STK40: variants seen among roughly 807,000 people sequenced by gnomAD.
The protein encoded by STK40 is serine/threonine kinase 40, also known as serine/threonine-protein kinase 40.
Under a neutral mutation model 47.9 loss-of-function variants are expected in STK40, and 13 were observed. The ratio of observed to expected loss-of-function variants is 0.27; its 90% CI spans 0.18 to 0.43. The LOEUF (loss-of-function observed/expected upper bound fraction) is 0.43. Among genes scored for constraint, STK40 ranks in the 20% least tolerant of loss-of-function variants. The pLI is 1.00. For synonymous variants in STK40, 225 were observed against 243.2 expected (o/e 0.93, Z 0.69); for missense variants, 460 against 595.1 (o/e 0.77, Z 2.36).
chr1:36,372,370 C>T (rs529413384), intron 1 of STK40, among the ~76,000 whole-genome samples: 9 of 128,762 alleles, frequency 7.0e-5, no homozygotes, highest in African/African-American at 1.2e-4. Context: ...TTTGAGGCTG[C>T]GTGAGCCATG....
chr1:36,362,203 A>G (rs1646858178), intron 1 of STK40, among the ~76,000 whole-genome samples: 1 of 152,192 alleles, frequency 6.6e-6, no homozygotes, highest in Non-Finnish European at 1.5e-5. Flanking sequence ...AAAATAACAG[A>G]TAAAAACACA....
At chr1:36,383,277 C>T (rs1334908986) in intron 1 of STK40, among the ~76,000 whole-genome samples, 1 of 152,228 alleles carries the variant, frequency 6.6e-6, no homozygotes, top group African/African-American at 2.4e-5. Context: ...AATCTACTGC[C>T]TTCCCCAAAG....
chr1:36,349,730 C>G (rs909733632), intron 6 of STK40, among the ~76,000 whole-genome samples: 1 of 151,876 alleles, frequency 6.6e-6, no homozygotes, highest in African/African-American at 2.4e-5. Flanking sequence ...AAAGGAAGTG[C>G]CCCGAGAGGA....
Position 36,355,287 on chromosome 1 carries a change from G to A in STK40, c.489C>T (p.Val163=), listed in dbSNP as rs1646792842. 6.2e-7 allele frequency: 1 copy of A among 1,614,150 alleles called. No homozygotes were observed. The highest frequency in any genetic ancestry group is 8.5e-7 in the Non-Finnish European group (1 of 1,180,030). The part of the protein sequence containing the change: ...TADLINLQHY[V]IKEKRLSERE... ...TCTCGCTGAGCCTCTTCTCCTTGAT[G>A]ACGTAGTGCTGCAGGTTGATGAGGT... The change falls in exon 5 of 11, where the codon GTC becomes GTT. Residue 163 remains valine (V), a synonymous_variant. Coordinates refer to ENST00000373132, the MANE Select transcript of STK40 (RefSeq NM_001282547.2).
intron 7 of STK40, among the ~76,000 whole-genome samples, chr1:36,344,476 A>G (rs1291141470): frequency 1.3e-5 from 2 of 152,200 alleles, no homozygotes; most frequent in Admixed American, 1.3e-4. Context: ...ACCTGCTCAC[A>G]GCACCTGCCC....
At chr1:36,378,721 T>C (rs539714535) in intron 1 of STK40, among the ~76,000 whole-genome samples, 1 of 152,276 alleles carries the variant, frequency 6.6e-6, no homozygotes, top group African/African-American at 2.4e-5. Context: ...CCTCCCGAAG[T>C]GTTGAGATTA....
chr1:36,345,239 G>A (rs1646689480), intron 7 of STK40, among the ~76,000 whole-genome samples: 1 of 152,258 alleles, frequency 6.6e-6, no homozygotes, highest in Non-Finnish European at 1.5e-5. Context: ...CTCCGTGGGT[G>A]TGGAAGAGAC....
chr1:36,365,278 C>G (rs181798255), intron 1 of STK40, among the ~76,000 whole-genome samples: 4 of 152,190 alleles, frequency 2.6e-5, no homozygotes, highest in Non-Finnish European at 5.9e-5. Context: ...GCATGAGCAC[C>G]GCGCCCGGCC....
At chr1:36,371,766 C>A (rs951625865) in intron 1 of STK40, among the ~76,000 whole-genome samples, 1 of 146,372 alleles carries the variant, frequency 6.8e-6, no homozygotes, top group Non-Finnish European at 1.5e-5. Flanking sequence ...GAGGCCGAGG[C>A]GGGCAAATCA....
intron 10 of STK40, chr1:36,343,147 C>T (rs900874688): frequency 2.9e-6 from 2 of 688,166 alleles, no homozygotes; most frequent in Non-Finnish European, 5.4e-6. Flanking sequence ...TCACAGGTCT[C>T]TCTGGCCAAA....
At chr1:36,375,953 C>T (rs576024491) in intron 1 of STK40, among the ~76,000 whole-genome samples, 4 of 151,712 alleles carry the variant, frequency 2.6e-5, no homozygotes, top group Non-Finnish European at 5.9e-5. Context: ...ACCCCAGAGG[C>T]GTAGGCTGCA....
intron 1 of STK40, among the ~76,000 whole-genome samples, chr1:36,369,341 G>A (rs962148985): frequency 1.1e-4 from 16 of 152,130 alleles, no homozygotes; most frequent in Admixed American, 1.0e-3. Context: ...CTGTGTAAGT[G>A]GGGCTGGGCA....
intron 2 of STK40, among the ~76,000 whole-genome samples, chr1:36,360,938 G>T (rs570659074): frequency 6.6e-6 from 1 of 152,226 alleles, no homozygotes; most frequent in Non-Finnish European, 1.5e-5. Flanking sequence ...TCTCTGGGGG[G>T]AGAGTCGGAG....
At chr1:36,344,774 A>G (rs1280987265) in intron 7 of STK40, among the ~76,000 whole-genome samples, 1 of 152,204 alleles carries the variant, frequency 6.6e-6, no homozygotes, top group Non-Finnish European at 1.5e-5. Context: ...TTCACTGCTG[A>G]GCCCCAGTGC....
At position 36,355,429 on chromosome 1, in the gene STK40, C is replaced by T. The variant is rs1171838543; in HGVS notation, c.347G>A (p.Arg116His). Residue 116 changes from arginine to histidine, a missense_variant, in exon 5 of 11, where the codon CGC (arginine) becomes CAC (histidine). By Grantham distance (29) the Arg-to-His change is conservative. Coordinates refer to ENST00000373132, the MANE Select transcript of STK40 (RefSeq NM_001282547.2). ...TGTGTCCTCAACGATTTCACAGGTG[C>T]GGTCCTGGGAGGCAAGGGGGTAGCG... ...VVHHHGLFQD[R>H]TCEIVEDTES... 35 of 1,614,072 alleles carry T rather than the reference C, an allele frequency of 2.2e-5. No individual in the cohort carries two copies. The highest frequency in any genetic ancestry group is 1.6e-4 in the Middle Eastern group (1 of 6,082).
chr1:36,351,390 G>A (rs1353222677), intron 6 of STK40, among the ~76,000 whole-genome samples: 3 of 152,148 alleles, frequency 2.0e-5, no homozygotes, highest in African/African-American at 7.2e-5. Flanking sequence ...TGGGTGGGAA[G>A]GGGCTGGAGT....
intron 1 of STK40, among the ~76,000 whole-genome samples, chr1:36,373,769 C>T (rs1015544595): frequency 7.9e-5 from 12 of 152,202 alleles, no homozygotes; most frequent in African/African-American, 2.9e-4. Context: ...TCCAATTTGT[C>T]AAGAATACAT....
chr1:36,361,555 T>C (rs988673915), intron 1 of STK40, among the ~76,000 whole-genome samples: 2 of 152,156 alleles, frequency 1.3e-5, no homozygotes, highest in African/African-American at 4.8e-5. Flanking sequence ...GGACATCCTT[T>C]AAGGCAGCAT....
In STK40 at chr1:36,363,042, C is replaced by T. The variant is rs532049132; in HGVS notation, c.-8-1702G>A. 9.9e-5 allele frequency among the ~76,000 whole-genome samples: 15 copies of T among 152,248 alleles called. No homozygotes were observed. In the South Asian group the frequency reaches 2.9e-3, roughly 29 times the overall value. ...CTGGTGGTGCACACCTGTAATCCCA[C>T]CTACTTGGTGGCTGAGGCACGAGAA... On this transcript the variant is annotated intron_variant, in intron 1 of 10. Transcript: ENST00000373132.
Sources: gnomAD v4.1 joint callset for allele counts (sites outside exome capture counted in the v4.1 genomes callset) on GRCh38, gnomAD v4.1.1 for gene constraint, MANE v1.5 for transcripts, NCBI Gene and HGNC (gene_info 2026-07-23, HGNC 2026-07-21) for gene names.